Variants in N4BP2 observed in about 807,000 individuals in gnomAD.
N4BP2 encodes the protein NEDD4 binding protein 2, also known as NEDD4-binding protein 2.
A neutral mutation model predicts 152.8 loss-of-function variants in N4BP2; 91 were observed. The ratio of observed to expected loss-of-function variants is 0.60; its 90% CI spans 0.50 to 0.71. The LOEUF is 0.71. N4BP2 is among the 30% of genes least tolerant of loss of function. The probability of loss-of-function intolerance (pLI) is 0.00; values close to 1 mark genes in which losing one functional copy is unlikely to be tolerated. For synonymous variants in N4BP2, 646 were observed against 705.3 expected (o/e 0.92, Z 1.33); for missense variants, 1,923 against 2,059.1 (o/e 0.93, Z 1.28).
At chr4:40,160,850 AG>A (rs1256049780), downstream of N4BP2, among the ~76,000 whole-genome samples, 1 of 152,194 alleles carries the variant, frequency 6.6e-6, no homozygotes, top group Non-Finnish European at 1.5e-5. Flanking sequence ...ACTCATGTTA[AG>A]TTTTAGTTTT....
intron 2 of N4BP2, among the ~76,000 whole-genome samples, chr4:40,083,984 G>A (rs1401680907): frequency 6.6e-6 from 1 of 152,082 alleles, no homozygotes; most frequent in Non-Finnish European, 1.5e-5. Context: ...ATTCAGACGG[G>A]GTCTCACTCT....
In N4BP2 at chr4:40,121,141, A is replaced by G. The variant is rs1226502304; in HGVS notation, c.3030A>G (p.Glu1010=). The G allele has an allele frequency of 6.2e-7, 1 of 1,614,170 alleles. No homozygotes were observed. Among genetic ancestry groups the G allele is most frequent in the East Asian group, 2.2e-5 (1 of 44,880 alleles). ...EQMPKRDPGK[E]VGMCTQTEPQ... ...TGCCTAAGAGAGACCCTGGAAAAGA[A>G]GTAGGCATGTGCACCCAGACTGAAC... Residue 1010 remains glutamate, a synonymous_variant, in exon 9 of 18, where the codon GAA becomes GAG. Coordinates refer to ENST00000261435, the MANE Select transcript of N4BP2 (RefSeq NM_018177.6).
rs138573117 is a variant in N4BP2, at chr4:40,110,416, G to T, written c.1499-1668G>T. On this transcript the variant is annotated intron_variant, in intron 5 of 17. Coordinates refer to ENST00000261435, the MANE Select transcript of N4BP2 (RefSeq NM_018177.6). ...TCCTCACCAACACTTGTTATTGTCC[G>T]TTTTTTTGATTATTCCTATTCTGGT... Among the ~76,000 whole-genome samples the T allele has an allele frequency of 2.6e-5, 4 of 151,986 alleles. No homozygotes were observed. The South Asian group carries it at 8.3e-4, about 32-fold the overall frequency.
At chr4:40,175,953 G>A in the N4BP2 span, among the ~76,000 whole-genome samples, 9,790 of 151,832 alleles carry the variant, frequency 0.064, 349 homozygotes, top group Non-Finnish European at 0.077. Context: ...AGCCGGGCGC[G>A]GTGGCGGGCG....
downstream of N4BP2, among the ~76,000 whole-genome samples, chr4:40,162,436 G>A (rs1018124458): frequency 2.0e-5 from 3 of 152,104 alleles, no homozygotes; most frequent in African/African-American, 7.2e-5. Context: ...TCCAGCCTGG[G>A]TGACAGAGTG....
the N4BP2 span, among the ~76,000 whole-genome samples, chr4:40,187,858 G>T: frequency 6.6e-6 from 1 of 152,176 alleles, no homozygotes; most frequent in African/African-American, 2.4e-5. Flanking sequence ...TTGCTTAGTT[G>T]TATGATGGTG....
chr4:40,062,418 A>G (rs1733734638), intron 1 of N4BP2, among the ~76,000 whole-genome samples: 1 of 152,036 alleles, frequency 6.6e-6, no homozygotes, highest in East Asian at 1.9e-4. Context: ...GGGTTGTTGC[A>G]CGAGCCTCCT....
At chr4:40,178,157 C>T in the N4BP2 span, among the ~76,000 whole-genome samples, 1 of 149,972 alleles carries the variant, frequency 6.7e-6, no homozygotes, top group Admixed American at 6.6e-5. Flanking sequence ...GAGACTGGGT[C>T]CAACAAACAA....
chr4:40,161,684 G>A (rs527762935), downstream of N4BP2, among the ~76,000 whole-genome samples: 1 of 152,322 alleles, frequency 6.6e-6, no homozygotes, highest in East Asian at 1.9e-4. Flanking sequence ...GGAGCAAGTG[G>A]CTGTGGGTAC....
In N4BP2 at chr4:40,071,013, C is replaced by T. The variant is rs567936047; in HGVS notation, c.-211-2442C>T. On this transcript the variant is annotated intron_variant, in intron 1 of 17. Transcript: ENST00000261435. Reference sequence around the variant, plus strand: ...CTAATTTTTGTATTTTTAGTGGAGACGGGGTTTCACCATGTTGGCCAGGCT... The same window carrying T: ...CTAATTTTTGTATTTTTAGTGGAGATGGGGTTTCACCATGTTGGCCAGGCT... Among the ~76,000 whole-genome samples the T allele has an allele frequency of 2.2e-4, 34 of 151,414 alleles. 1 individual carries two copies. The highest frequency in any genetic ancestry group is 1.5e-3 in the Admixed American group (23 of 15,164).
chr4:40,071,887 A>G (rs1372308740), intron 1 of N4BP2, among the ~76,000 whole-genome samples: 1 of 151,750 alleles, frequency 6.6e-6, no homozygotes, highest in Non-Finnish European at 1.5e-5. Context: ...TTTTTAAAAA[A>G]CATTTTTATT....
At chr4:40,162,159 T>C (rs1264910421), downstream of N4BP2, among the ~76,000 whole-genome samples, 2 of 152,214 alleles carry the variant, frequency 1.3e-5, no homozygotes, top group African/African-American at 4.8e-5. Flanking sequence ...TTTACCTTCA[T>C]CAAAGATCTG....
rs187548904 is a variant in N4BP2 at position 40,129,478 on chromosome 4, C to T, written c.4528-2323C>T. ...CTGAGCTCAAGCAATTCACCTGCCT[C>T]GGCCTCCCAAAGTGCTAGGATTATA... On this transcript the variant is annotated intron_variant, in intron 12 of 17. Coordinates refer to ENST00000261435, the MANE Select transcript of N4BP2 (RefSeq NM_018177.6). Among the ~76,000 whole-genome samples, 37 of 152,168 alleles carry T rather than the reference C, an allele frequency of 2.4e-4. No individual in the cohort carries two copies. In the East Asian group the frequency reaches 5.8e-3, roughly 24 times the overall value.
At chr4:40,168,638 A>G in the N4BP2 span, among the ~76,000 whole-genome samples, 9 of 151,896 alleles carry the variant, frequency 5.9e-5, no homozygotes, top group African/African-American at 2.2e-4. Context: ...AAAAAATAGG[A>G]GACCACAGAA....
the N4BP2 span, among the ~76,000 whole-genome samples, chr4:40,184,306 G>A: frequency 6.6e-6 from 1 of 151,426 alleles, no homozygotes; most frequent in African/African-American, 2.4e-5. Context: ...CCCTCAAAAT[G>A]CAGCACTGGA....
intron 2 of N4BP2, among the ~76,000 whole-genome samples, chr4:40,078,476 G>C (rs1342192627): frequency 6.6e-6 from 1 of 151,082 alleles, no homozygotes. Context: ...TAAGTTTCTT[G>C]ACTTGCGTAT....
Position 40,062,665 on chromosome 4 carries a change from T to C in N4BP2, c.-212+5635T>C, listed in dbSNP as rs959745157. ...CTTGGCTGTCAGTGTGCTAGCCCTA[T>C]TAAGTTCCTTGTATTTCTCCCTGAA... On this transcript the variant is annotated intron_variant, in intron 1 of 17. Transcript: ENST00000261435. Among the ~76,000 whole-genome samples, 7 of 152,002 alleles carry C rather than the reference T, an allele frequency of 4.6e-5. No individual in the cohort carries two copies. In the East Asian group the frequency reaches 1.2e-3, roughly 25 times the overall value.
At chr4:40,070,601 C>T (rs1180650835) in intron 1 of N4BP2, among the ~76,000 whole-genome samples, 1 of 151,986 alleles carries the variant, frequency 6.6e-6, no homozygotes, top group Non-Finnish European at 1.5e-5. Context: ...CAGGCACATA[C>T]CACCATGACT....
In N4BP2 at chr4:40,090,372, T is replaced by C. The variant is rs576619426; in HGVS notation, c.-114-6855T>C. On this transcript the variant is annotated intron_variant, in intron 2 of 17. Coordinates refer to ENST00000261435, the MANE Select transcript of N4BP2 (RefSeq NM_018177.6). ...ACGTGTATATCAATTTGGGGAAGAA[T>C]TGACATATTTACTGTGTTGTCTTCC... is the stretch of plus-strand genomic sequence containing the variant. Among the ~76,000 whole-genome samples, 174 of 152,340 alleles carry C rather than the reference T, an allele frequency of 1.1e-3. 3 individuals carry two copies. The highest frequency in any genetic ancestry group is 0.011 in the Admixed American group (171 of 15,292).
Sources: gnomAD v4.1 joint callset for allele counts (sites outside exome capture counted in the v4.1 genomes callset) on GRCh38, gnomAD v4.1.1 for gene constraint, MANE v1.5 for transcripts, NCBI Gene and HGNC (gene_info 2026-07-23, HGNC 2026-07-21) for gene names.